Variants in CLASP1 observed in about 807,000 individuals in gnomAD.
CLASP1 encodes the protein cytoplasmic linker associated protein 1.
Under a neutral mutation model 192.3 loss-of-function variants are expected in CLASP1, and 38 were observed. That is an observed-to-expected ratio of 0.20 (90% CI 0.15 to 0.26). CLASP1 has a LOEUF of 0.26. Among genes scored for constraint, CLASP1 ranks in the 10% least tolerant of loss-of-function variants. CLASP1 has a pLI of 1.00. For missense variants in CLASP1, 1,433 were observed against 1,932.5 expected, an observed-to-expected ratio of 0.74 and a Z score of 4.85; for synonymous variants, 691 against 712.8, an observed-to-expected ratio of 0.97 and a Z score of 0.49.
chr2:121,643,090 A>C (rs1034125044), intron 1 of CLASP1, among the ~76,000 whole-genome samples: 1 of 152,238 alleles, frequency 6.6e-6, no homozygotes, highest in African/African-American at 2.4e-5. Flanking sequence ...ATCCTGAATG[A>C]AGACAGGCTC....
chr2:121,478,803 CACACACACCCCA>C (rs1559367386), intron 8 of CLASP1, among the ~76,000 whole-genome samples: 2 of 37,282 alleles, frequency 5.4e-5, no homozygotes, highest in Non-Finnish European at 1.3e-4. Flanking sequence ...CCACACACCA[CACACACACCCCA>C]CACACAACCA....
intron 22 of CLASP1, 67 bp from the exon 23 acceptor site, chr2:121,418,796 A>T: frequency 8.9e-7 from 1 of 1,121,458 alleles, no homozygotes; most frequent in Non-Finnish European, 1.4e-6. Context: ...AAACTCACAA[A>T]ATGTCAGTCA....
intron 37 of CLASP1, among the ~76,000 whole-genome samples, chr2:121,354,161 A>C (rs1431315109): frequency 6.6e-6 from 1 of 152,228 alleles, no homozygotes; most frequent in Non-Finnish European, 1.5e-5. Context: ...ATTTTTCCTA[A>C]GGAGCTAGCA....
rs986122428 is a variant in CLASP1 at position 121,384,161 on chromosome 2, T to C, written c.3375-1837A>G. ...ATATATATATACACACACACACATA[T>C]ATATATATACACACACACACACACA... On this transcript the variant is annotated intron_variant, in intron 32 of 39. Coordinates refer to ENST00000263710, the Ensembl canonical transcript of CLASP1. Among the ~76,000 whole-genome samples the C allele has an allele frequency of 2.1e-3, 296 of 138,360 alleles. 1 individual carries two copies. Among genetic ancestry groups the C allele is most frequent in the African/African-American group, 8.6e-3 (283 of 33,008 alleles). The allele number at this position is 138,360 out of a possible 152,430, so 90.8% of individuals were successfully genotyped here. A position where few individuals can be genotyped will look rare whatever the true frequency, so the allele number is the denominator to read the frequency against.
At chr2:121,577,010 G>T (rs1009930804) in intron 2 of CLASP1, among the ~76,000 whole-genome samples, 1 of 152,132 alleles carries the variant, frequency 6.6e-6, no homozygotes, top group African/African-American at 2.4e-5. Context: ...TGGTACCATG[G>T]TTATTTTTTA....
chr2:121,403,829 G>C (rs1241606980), intron 26 of CLASP1: 1 of 460,846 alleles, frequency 2.2e-6, no homozygotes, highest in African/African-American at 2.0e-5. Flanking sequence ...TGGCCCTCAG[G>C]AGGTGTGGGC....
At chr2:121,484,127 C>G (rs1025307838) in intron 8 of CLASP1, among the ~76,000 whole-genome samples, 6 of 152,154 alleles carry the variant, frequency 3.9e-5, no homozygotes, top group Middle Eastern at 3.2e-3. Context: ...AGTTATTCTA[C>G]GTAAGGTACA....
At chr2:121,348,185 C>T (rs1449364094) in intron 38 of CLASP1, among the ~76,000 whole-genome samples, 1 of 152,104 alleles carries the variant, frequency 6.6e-6, no homozygotes, top group East Asian at 1.9e-4. Context: ...CCATGGTCCA[C>T]CTCGCCCAGG....
chr2:121,592,568 T>C (rs1216738880), intron 2 of CLASP1, among the ~76,000 whole-genome samples: 2 of 152,208 alleles, frequency 1.3e-5, no homozygotes, highest in Non-Finnish European at 2.9e-5. Context: ...CAAAAACATA[T>C]GAAGCCAACT....
Position 121,543,675 on chromosome 2 carries a change from C to A in CLASP1, c.196-13350G>T, listed in dbSNP as rs562394563. On this transcript the variant is annotated intron_variant, in intron 2 of 39. Transcript: ENST00000263710. ...CCTTCTAAGAGACAGTTCCAGCTAG[C>A]CCCCTCCAAAAGGTCTCCAGCCTCC... is the stretch of plus-strand genomic sequence containing the variant. Among the ~76,000 whole-genome samples, 5 of 152,228 alleles carry A rather than the reference C, an allele frequency of 3.3e-5. No homozygotes were observed. The South Asian group carries it at 8.3e-4, about 25-fold the overall frequency.
chr2:121,496,428 T>C (rs1236496049), intron 8 of CLASP1, among the ~76,000 whole-genome samples: 2 of 152,114 alleles, frequency 1.3e-5, no homozygotes, highest in Non-Finnish European at 2.9e-5. Flanking sequence ...TTTGCTCAGT[T>C]CTCTGTCAGC....
intron 8 of CLASP1, among the ~76,000 whole-genome samples, chr2:121,495,442 C>T (rs545107208): frequency 6.6e-6 from 1 of 152,268 alleles, no homozygotes; most frequent in East Asian, 1.9e-4. Context: ...GGGCAGATTG[C>T]CTGAAGTCAA....
chr2:121,393,969 G>A (rs1360831308), intron 30 of CLASP1, among the ~76,000 whole-genome samples: 5 of 151,718 alleles, frequency 3.3e-5, no homozygotes, highest in African/African-American at 4.8e-5. Context: ...GTAAAAAAGC[G>A]CCCTTCTAAA....
At chr2:121,603,387 CCT>C (rs1378705214) in intron 2 of CLASP1, among the ~76,000 whole-genome samples, 6 of 152,106 alleles carry the variant, frequency 3.9e-5, no homozygotes, top group Admixed American at 2.0e-4. Flanking sequence ...TCAACTCACC[CCT>C]GTTAGGATGG....
intron 2 of CLASP1, among the ~76,000 whole-genome samples, chr2:121,531,182 C>G (rs768303422): frequency 6.6e-6 from 1 of 152,002 alleles, no homozygotes; most frequent in East Asian, 1.9e-4. Flanking sequence ...AGAACTTCAC[C>G]CCTTTAACTT....
At chr2:121,636,059 C>T (rs1203189574) in intron 1 of CLASP1, among the ~76,000 whole-genome samples, 1 of 152,066 alleles carries the variant, frequency 6.6e-6, no homozygotes, top group Non-Finnish European at 1.5e-5. Flanking sequence ...AATTTTGAGG[C>T]CGGGCATGGT....
intron 1 of CLASP1, among the ~76,000 whole-genome samples, chr2:121,610,258 G>T (rs559604192): frequency 6.6e-6 from 1 of 151,734 alleles, no homozygotes; most frequent in South Asian, 2.1e-4. Context: ...TGAGGAGGAG[G>T]AGTTACAGGA....
At chr2:121,522,125 T>G (rs1004691174) in intron 6 of CLASP1, among the ~76,000 whole-genome samples, 1 of 152,080 alleles carries the variant, frequency 6.6e-6, no homozygotes, top group Non-Finnish European at 1.5e-5. Context: ...TGTCTGTGTA[T>G]GTGTGTGTGT....
chr2:121,496,821 C>T (rs1032200545), intron 8 of CLASP1, among the ~76,000 whole-genome samples: 12 of 152,118 alleles, frequency 7.9e-5, no homozygotes, highest in African/African-American at 2.9e-4. Flanking sequence ...GATCTGACAT[C>T]ATTTGGGATG....
Sources: allele counts gnomAD v4.1 joint callset (sites outside exome capture counted in the v4.1 genomes callset), GRCh38; gene constraint gnomAD v4.1.1; transcripts MANE v1.5; gene names NCBI Gene and HGNC (gene_info 2026-07-23, HGNC 2026-07-21).